Variants in SGTA observed in about 807,000 individuals in gnomAD.
SGTA encodes small glutamine-rich tetratricopeptide repeat-containing protein alpha.
A neutral mutation model predicts 44.3 loss-of-function variants in SGTA; 22 were observed. The observed-to-expected ratio is 0.50, with a 90% confidence interval of 0.36 to 0.71. The LOEUF (loss-of-function observed/expected upper bound fraction) is 0.71. SGTA is among the 30% of genes least tolerant of loss of function. SGTA has a pLI of 0.00. For synonymous variants in SGTA, 174 were observed against 177.6 expected, an observed-to-expected ratio of 0.98 and a Z score of 0.16; for missense variants, 341 against 435.9, an observed-to-expected ratio of 0.78 and a Z score of 1.94.
intron 1 of SGTA, among the ~76,000 whole-genome samples, chr19:2,777,107 C>T (rs931948370): frequency 6.6e-6 from 1 of 151,578 alleles, no homozygotes; most frequent in South Asian, 2.1e-4. Flanking sequence ...AAAAAATAGC[C>T]GGTCGTAGTG....
chr19:2,772,060 C>T (rs1915324343), intron 1 of SGTA, among the ~76,000 whole-genome samples: 1 of 152,240 alleles, frequency 6.6e-6, no homozygotes, highest in South Asian at 2.1e-4. Context: ...CCTCCGGGGC[C>T]GGGCCCAGCC....
intron 1 of SGTA, among the ~76,000 whole-genome samples, chr19:2,782,082 T>C (rs1226370620): frequency 6.6e-6 from 1 of 152,162 alleles, no homozygotes; most frequent in Non-Finnish European, 1.5e-5. Flanking sequence ...CCTCAGGTCA[T>C]CAGCCCGTAT....
In SGTA at chr19:2,762,522, C is replaced by T. The variant is rs1451144338; in HGVS notation, c.620G>A (p.Arg207Gln). ...SNLKIAELKL[R>Q]EAPSPTGGVG... is the part of the protein sequence containing the mutation. ...TGCACTCACGGGGCTGGGGGCCTCC[C>T]GCAGCTTCAGCTCCGCTATCTTGAG... The change falls in exon 7 of 12, where the codon CGG becomes CAG. Residue 207 changes from arginine (R) to glutamine (Q), a missense_variant. Transcript: ENST00000221566. The T allele has an allele frequency of 1.2e-6, 2 of 1,614,006 alleles. No homozygotes were observed. Among genetic ancestry groups the T allele is most frequent in the East Asian group, 2.2e-5 (1 of 44,884 alleles).
intron 1 of SGTA, among the ~76,000 whole-genome samples, chr19:2,775,047 G>A (rs1213577615): frequency 6.6e-6 from 1 of 152,204 alleles, no homozygotes; most frequent in Admixed American, 6.6e-5. Flanking sequence ...AACATCCACA[G>A]CTCCCACTGG....
At chr19:2,759,645 G>A (rs1914930881) in intron 8 of SGTA, 1 of 278,150 alleles carries the variant, frequency 3.6e-6, no homozygotes, top group South Asian at 4.4e-5. Context: ...AGCATATTTG[G>A]TTCCAGTTTT....
chr19:2,761,163 G>A lies in SGTA; in HGVS notation c.699+297C>T, dbSNP rs1341480210. Among the ~76,000 whole-genome samples the A allele has an allele frequency of 6.6e-6, 1 of 152,206 alleles. No individual in the cohort carries two copies. Among genetic ancestry groups the A allele is most frequent in the Non-Finnish European group, 1.5e-5 (1 of 68,040 alleles). On this transcript the variant is annotated intron_variant, in intron 8 of 11. Transcript: ENST00000221566. This position sits in a 1 kb window ranked among gnomAD's most constrained non-coding sequence, Gnocchi z 5.7. ...TGGGGGTGTGACCTCCCTGGGCTCAGCCAGGAGAGCCAGCTTTTGGTGCTC... is the reference window on the plus strand; with the variant it reads ...TGGGGGTGTGACCTCCCTGGGCTCAACCAGGAGAGCCAGCTTTTGGTGCTC...
intron 1 of SGTA, among the ~76,000 whole-genome samples, chr19:2,777,310 G>A (rs573485326): frequency 8.6e-5 from 13 of 151,400 alleles, no homozygotes; most frequent in East Asian, 5.8e-4. Flanking sequence ...GCAGCACTTC[G>A]GGAGGCCAAA....
At position 2,765,979 on chromosome 19, in the gene SGTA, G is replaced by A. The variant is rs895605363; in HGVS notation, c.293-694C>T. On this transcript the variant is annotated intron_variant, in intron 4 of 11. Coordinates refer to ENST00000221566, the MANE Select transcript of SGTA (RefSeq NM_003021.4). This position sits in a 1 kb window ranked among gnomAD's most constrained non-coding sequence, Gnocchi z 5.5. The stretch of plus-strand genomic sequence containing the variant: ...CATGCTTATAATCCCAGCACTTTGG[G>A]AGGCCGACGCAGGCGGATCGCAAGA... Among the ~76,000 whole-genome samples the A allele has an allele frequency of 6.6e-6, 1 of 152,344 alleles. No individual in the cohort carries two copies. Among genetic ancestry groups the A allele is most frequent in the East Asian group, 1.9e-4 (1 of 5,190 alleles).
intron 11 of SGTA, 82 bp downstream of exon 11, chr19:2,757,255 C>T (rs1914846077): frequency 1.3e-6 from 2 of 1,518,020 alleles, no homozygotes. Context: ...GGCGTCACTC[C>T]TGCTGGCTGC....
intron 1 of SGTA, among the ~76,000 whole-genome samples, chr19:2,772,672 T>C (rs954630720): frequency 6.6e-6 from 1 of 152,020 alleles, no homozygotes. Context: ...GTACGGCGGG[T>C]CCCTAGAGCA....
intron 1 of SGTA, among the ~76,000 whole-genome samples, chr19:2,781,855 TA>T (rs67620526): frequency 0.02 from 2,891 of 146,590 alleles, 75 homozygotes; most frequent in African/African-American, 0.041. Context: ...TTTTTTTTTT[TA>T]TTTTTGACAG....
chr19:2,775,623 T>C (rs1286881371), intron 1 of SGTA, among the ~76,000 whole-genome samples: 1 of 152,108 alleles, frequency 6.6e-6, no homozygotes, highest in African/African-American at 2.4e-5. Flanking sequence ...TTCTATGAAA[T>C]GTCCAGGACA....
Position 2,779,087 on chromosome 19 carries a change from A to G in SGTA, c.-24+4146T>C, listed in dbSNP as rs1056641504. Among the ~76,000 whole-genome samples the G allele has an allele frequency of 4.1e-4, 62 of 152,300 alleles. 1 individual carries two copies. Among genetic ancestry groups the G allele is most frequent in the African/African-American group, 1.4e-3 (58 of 41,564 alleles). ...GAAACACTCTCCAGTTGAGACAACCACACATGTCCCCAGACACTGCCAAAC... is the reference window on the plus strand; with the variant it reads ...GAAACACTCTCCAGTTGAGACAACCGCACATGTCCCCAGACACTGCCAAAC... On this transcript the variant is annotated intron_variant, in intron 1 of 11. Transcript: ENST00000221566.
intron 1 of SGTA, among the ~76,000 whole-genome samples, chr19:2,769,617 C>A (rs972842593): frequency 6.6e-6 from 1 of 152,200 alleles, no homozygotes; most frequent in African/African-American, 2.4e-5. Flanking sequence ...AGGTACCCAA[C>A]GGGGCCAGGT....
At chr19:2,774,544 G>A (rs924442747) in intron 1 of SGTA, among the ~76,000 whole-genome samples, 22 of 152,118 alleles carry the variant, frequency 1.4e-4, no homozygotes, top group African/African-American at 4.3e-4. Context: ...GTTAACACCC[G>A]TGCACGCGTA....
intron 9 of SGTA, 119 bp downstream of exon 9, chr19:2,759,138 G>A: frequency 1.2e-6 from 1 of 868,140 alleles, no homozygotes; most frequent in Non-Finnish European, 1.9e-6. Context: ...CAGTGTGAAA[G>A]TCCTTAATGC....
intron 1 of SGTA, among the ~76,000 whole-genome samples, chr19:2,776,054 T>A (rs1218617545): frequency 6.6e-6 from 1 of 152,080 alleles, no homozygotes; most frequent in Non-Finnish European, 1.5e-5. Context: ...AAAGATCTCA[T>A]GTACGACACA....
rs764981014 is a variant in SGTA at position 2,767,699 on chromosome 19, C to T, written c.101-13G>A. On this transcript the variant is annotated splice_polypyrimidine_tract_variant and intron_variant, in intron 2 of 11. Coordinates refer to ENST00000221566, the MANE Select transcript of SGTA (RefSeq NM_003021.4). The surrounding 1 kb of genome is among the most constrained non-coding windows in gnomAD (Gnocchi z 7.3). ...CACTGGATGGCGACTGAAGCGGGGA[C>T]AGAGGCGGTCCCATTCATTGCACGC... 2 of 1,605,014 alleles carry T rather than the reference C, an allele frequency of 1.2e-6. No individual in the cohort carries two copies. The highest frequency in any genetic ancestry group is 1.3e-5 in the African/African-American group (1 of 74,774).
intron 1 of SGTA, 144 bp from the exon 2 acceptor site, chr19:2,769,235 T>C: frequency 1.7e-6 from 1 of 598,360 alleles, no homozygotes; most frequent in Non-Finnish European, 3.0e-6. Flanking sequence ...AAGGCCTTAA[T>C]ACGCCCATTT....
Sources: gnomAD v4.1 joint callset for allele counts (sites outside exome capture counted in the v4.1 genomes callset) on GRCh38, gnomAD v4.1.1 for gene constraint, Gnocchi (gnomAD v3.1) non-coding constraint, MANE v1.5 for transcripts, NCBI Gene and HGNC (gene_info 2026-07-23, HGNC 2026-07-21) for gene names.